Variants in CNTNAP2 observed in about 807,000 individuals in gnomAD.
CNTNAP2 encodes the protein contactin-associated protein-like 2.
In CNTNAP2, 98 loss-of-function variants were observed where a neutral mutation model predicts 155.2. That is an observed-to-expected ratio of 0.63 (90% CI 0.54 to 0.75). The LOEUF (loss-of-function observed/expected upper bound fraction) is 0.75, where lower values mean the gene tolerates loss of function less well. Among genes scored for constraint, CNTNAP2 ranks in the 30% least tolerant of loss-of-function variants. The pLI is 0.00. For missense variants in CNTNAP2, 1,727 were observed against 1,688.1 expected, an observed-to-expected ratio of 1.02 and a Z score of -0.40; for synonymous variants, 651 against 631.2, an observed-to-expected ratio of 1.03 and a Z score of -0.47.
Position 148,415,700 on chromosome 7 carries a change from T to C in CNTNAP2, c.*84T>C, listed in dbSNP as rs2116730692. 2 of 1,473,946 alleles carry C rather than the reference T, an allele frequency of 1.4e-6. No homozygotes were observed. Among genetic ancestry groups the C allele is most frequent in the Non-Finnish European group, 1.9e-6 (2 of 1,061,188 alleles). The allele number at this position is 1,473,946 out of a possible 1,614,324, so 91.3% of individuals were successfully genotyped here. A position where few individuals can be genotyped will look rare whatever the true frequency, so the allele number is the denominator to read the frequency against. On this transcript the variant is annotated 3_prime_UTR_variant, in exon 24 of 24. Coordinates refer to ENST00000361727, the MANE Select transcript of CNTNAP2 (RefSeq NM_014141.6). ...GACAAAAGCACCCTGCTTCATACTC[T>C]TGAGCACATCCTTAAAATATCAGCA...
intron 1 of CNTNAP2, among the ~76,000 whole-genome samples, chr7:146,499,599 C>A (rs184524868): frequency 2.0e-5 from 3 of 152,004 alleles, no homozygotes; most frequent in East Asian, 1.9e-4. Context: ...TTCCTCCCCC[C>A]ACACCCCGAA....
chr7:146,679,349 T>C (rs978002154), intron 1 of CNTNAP2, among the ~76,000 whole-genome samples: 7 of 140,520 alleles, frequency 5.0e-5, no homozygotes, highest in Non-Finnish European at 1.1e-4. Context: ...TCTTGTTTCT[T>C]TTTTTTTTTT....
At chr7:147,054,250 T>C (rs1799521111) in intron 4 of CNTNAP2, among the ~76,000 whole-genome samples, 1 of 152,152 alleles carries the variant, frequency 6.6e-6, no homozygotes, top group African/African-American at 2.4e-5. Flanking sequence ...AAGAAAAGTA[T>C]CTCACTAGTA....
At chr7:146,387,804 G>C (rs759839619) in intron 1 of CNTNAP2, among the ~76,000 whole-genome samples, 3 of 152,098 alleles carry the variant, frequency 2.0e-5, no homozygotes, top group Non-Finnish European at 4.4e-5. Flanking sequence ...TCCTAAGAAA[G>C]GGTGCACCCA....
intron 1 of CNTNAP2, among the ~76,000 whole-genome samples, chr7:146,257,492 C>T (rs1231221580): frequency 6.6e-6 from 1 of 152,162 alleles, no homozygotes; most frequent in East Asian, 1.9e-4. Flanking sequence ...CTATCACGTA[C>T]TTCCAGATGT....
At chr7:147,043,470 T>G (rs189807205) in intron 3 of CNTNAP2, among the ~76,000 whole-genome samples, 3 of 152,206 alleles carry the variant, frequency 2.0e-5, no homozygotes, top group Non-Finnish European at 4.4e-5. Flanking sequence ...TCAATTGTTC[T>G]TCTTCTCTCA....
At chr7:147,318,542 A>C (rs1045264543) in intron 9 of CNTNAP2, among the ~76,000 whole-genome samples, 1 of 152,156 alleles carries the variant, frequency 6.6e-6, no homozygotes, top group Non-Finnish European at 1.5e-5. Flanking sequence ...GCAGGGACAC[A>C]GATGAAGCTG....
At chr7:147,207,977 ATT>A (rs1028334784) in intron 8 of CNTNAP2, among the ~76,000 whole-genome samples, 1 of 152,170 alleles carries the variant, frequency 6.6e-6, no homozygotes, top group African/African-American at 2.4e-5. Context: ...TACTTACGAA[ATT>A]ATCAAGATGT....
At chr7:146,576,113 A>G (rs556829433) in intron 1 of CNTNAP2, among the ~76,000 whole-genome samples, 10 of 152,310 alleles carry the variant, frequency 6.6e-5, no homozygotes, top group Admixed American at 3.3e-4. Flanking sequence ...CACTGAATAT[A>G]TGGCCTTGTT....
intron 8 of CNTNAP2, among the ~76,000 whole-genome samples, chr7:147,139,102 G>T (rs1424493013): frequency 6.6e-6 from 1 of 151,996 alleles, no homozygotes; most frequent in Non-Finnish European, 1.5e-5. Flanking sequence ...TCTAAGACAA[G>T]AACAGGGAGG....
At chr7:147,706,013 C>G (rs1454146200) in intron 13 of CNTNAP2, among the ~76,000 whole-genome samples, 2 of 151,550 alleles carry the variant, frequency 1.3e-5, no homozygotes, top group Non-Finnish European at 2.9e-5. Flanking sequence ...CAGTCCATAT[C>G]TTTTAAGTGG....
At chr7:147,393,194 TAATG>T (rs1475306874) in intron 9 of CNTNAP2, among the ~76,000 whole-genome samples, 5 of 152,054 alleles carry the variant, frequency 3.3e-5, no homozygotes, top group Non-Finnish European at 7.4e-5. Flanking sequence ...AGAAAAAAAT[TAATG>T]AATATGTAGT....
chr7:147,215,741 T>A (rs1563119656), intron 8 of CNTNAP2, among the ~76,000 whole-genome samples: 1 of 152,188 alleles, frequency 6.6e-6, no homozygotes, highest in African/African-American at 2.4e-5. Context: ...CATAAGAGTA[T>A]GTTTAATTTT....
intron 21 of CNTNAP2, among the ~76,000 whole-genome samples, chr7:148,381,931 A>C (rs192976052): frequency 2.3e-4 from 35 of 152,278 alleles, no homozygotes; most frequent in African/African-American, 8.2e-4. Flanking sequence ...CATCAACTAG[A>C]TGTGGAACAC....
At chr7:147,031,005 T>C (rs576390817) in intron 3 of CNTNAP2, among the ~76,000 whole-genome samples, 1 of 152,346 alleles carries the variant, frequency 6.6e-6, no homozygotes, top group African/African-American at 2.4e-5. Context: ...GACTCTTCAC[T>C]TGGAAGATGA....
intron 1 of CNTNAP2, among the ~76,000 whole-genome samples, chr7:146,289,907 T>G (rs1219855453): frequency 6.6e-6 from 1 of 152,186 alleles, no homozygotes; most frequent in South Asian, 2.1e-4. Context: ...TGTTTGGCAA[T>G]AAACGGAGCT....
chr7:146,625,872 T>C (rs935601167), intron 1 of CNTNAP2, among the ~76,000 whole-genome samples: 2 of 152,082 alleles, frequency 1.3e-5, no homozygotes. Context: ...GCTGGGATGT[T>C]ACCAGGAACT....
chr7:146,167,985 A>G (rs1043682668), intron 1 of CNTNAP2, among the ~76,000 whole-genome samples: 3 of 152,150 alleles, frequency 2.0e-5, no homozygotes, highest in African/African-American at 7.2e-5. Context: ...GAAGAACTTG[A>G]CAGGAGACTG....
intron 1 of CNTNAP2, among the ~76,000 whole-genome samples, chr7:146,397,226 A>G (rs1795643028): frequency 6.6e-6 from 1 of 152,188 alleles, no homozygotes; most frequent in Non-Finnish European, 1.5e-5. Context: ...TTCCACATAT[A>G]ATGGTAAATG....
Sources: allele counts gnomAD v4.1 joint callset (sites outside exome capture counted in the v4.1 genomes callset), GRCh38; gene constraint gnomAD v4.1.1; transcripts MANE v1.5; gene names NCBI Gene and HGNC (gene_info 2026-07-23, HGNC 2026-07-21).